Variants in TNRC6B observed in about 807,000 individuals in gnomAD.
TNRC6B encodes the protein trinucleotide repeat containing adaptor 6B.
A neutral mutation model predicts 203.6 loss-of-function variants in TNRC6B; 52 were observed. That is an observed-to-expected ratio of 0.26 (90% CI 0.20 to 0.32). The LOEUF is 0.32. Ranked by LOEUF, TNRC6B falls within the 10% of genes least tolerant of loss-of-function variation. The pLI is 1.00. For missense variants in TNRC6B, 1,923 were observed against 2,286.2 expected (o/e 0.84, Z 3.24); for synonymous variants, 838 against 845.7 (o/e 0.99, Z 0.16).
At chr22:40,278,556 CAAA>C (rs34010156) in intron 9 of TNRC6B, among the ~76,000 whole-genome samples, 1 of 78,720 alleles carries the variant, frequency 1.3e-5, no homozygotes, top group Non-Finnish European at 2.5e-5. Context: ...GACTCAGTCT[CAAA>C]AAAAAAAAAA....
intron 1 of TNRC6B, among the ~76,000 whole-genome samples, chr22:40,221,121 G>C (rs2069702216): frequency 6.6e-6 from 1 of 152,120 alleles, no homozygotes; most frequent in Admixed American, 6.5e-5. Flanking sequence ...ATTCCTTCTT[G>C]GGTCTGGGCA....
intron 2 of TNRC6B, among the ~76,000 whole-genome samples, chr22:40,122,479 T>G (rs751227945): frequency 3.9e-5 from 6 of 152,148 alleles, no homozygotes; most frequent in Non-Finnish European, 8.8e-5. Flanking sequence ...GTCCTGTGTT[T>G]ATGGGTGGAG....
chr22:40,148,403 C>T (rs924304967), intron 3 of TNRC6B, among the ~76,000 whole-genome samples: 1 of 151,530 alleles, frequency 6.6e-6, no homozygotes, highest in African/African-American at 2.4e-5. Flanking sequence ...CCTGCCTTAG[C>T]CTCCTGAGTA....
intron 20 of TNRC6B, 51 bp downstream of exon 20, chr22:40,315,558 A>C (rs998079222): frequency 1.9e-6 from 3 of 1,565,978 alleles, no homozygotes; most frequent in African/African-American, 1.4e-5. Flanking sequence ...CAAGGGGCTT[A>C]TGTTAACACA....
intron 2 of TNRC6B, among the ~76,000 whole-genome samples, chr22:40,119,585 A>G (rs924845983): frequency 6.6e-6 from 1 of 152,230 alleles, no homozygotes; most frequent in African/African-American, 2.4e-5. Context: ...CTCTGTCTCT[A>G]AATACATACA....
At chr22:40,149,991 C>G (rs764922953) in intron 3 of TNRC6B, among the ~76,000 whole-genome samples, 3 of 78,672 alleles carry the variant, frequency 3.8e-5, no homozygotes, top group Non-Finnish European at 6.8e-5. Context: ...AAATGAAAGC[C>G]AACAAAAAAT....
chr22:40,256,395 G>T (rs2070278712), intron 3 of TNRC6B, among the ~76,000 whole-genome samples: 1 of 152,138 alleles, frequency 6.6e-6, no homozygotes, highest in Non-Finnish European at 1.5e-5. Flanking sequence ...AAATTCATTT[G>T]CCATTCTCCA....
chr22:40,077,233 A>G (rs922567453), intron 1 of TNRC6B, among the ~76,000 whole-genome samples: 1 of 152,074 alleles, frequency 6.6e-6, no homozygotes, highest in Admixed American at 6.6e-5. Context: ...GGTAGTCTGC[A>G]TAGGTTATCT....
intron 1 of TNRC6B, among the ~76,000 whole-genome samples, chr22:40,068,611 C>G (rs578147548): frequency 6.6e-6 from 1 of 152,142 alleles, no homozygotes; most frequent in Admixed American, 6.5e-5. Context: ...AGCCACCGCG[C>G]CTGGCCTCTT....
rs558524410 is a variant in TNRC6B at position 40,140,676 on chromosome 22, T to C, written c.45+14814T>C. 2.6e-5 allele frequency among the ~76,000 whole-genome samples: 4 copies of C among 152,224 alleles called. No individual in the cohort carries two copies. The South Asian group carries it at 8.3e-4, about 32-fold the overall frequency. ...CTTTTTTTTTGAGATGGGGTGTTGC[T>C]CTGTTGCCCAGGCTGGAGTCATGAT... is the stretch of plus-strand genomic sequence containing the variant. On this transcript the variant is annotated intron_variant, in intron 3 of 23. Coordinates refer to the TNRC6B transcript ENST00000301923.
At chr22:40,248,474 T>C (rs1361484824) in intron 2 of TNRC6B, among the ~76,000 whole-genome samples, 1 of 152,242 alleles carries the variant, frequency 6.6e-6, no homozygotes, top group Non-Finnish European at 1.5e-5. Context: ...ATATTCCTCT[T>C]CATTTTTAAC....
chr22:40,084,359 G>A (rs1383081487), intron 1 of TNRC6B, among the ~76,000 whole-genome samples: 1 of 152,134 alleles, frequency 6.6e-6, no homozygotes, highest in African/African-American at 2.4e-5. Context: ...TGTGAGTGAG[G>A]CAGATTGAAG....
intron 1 of TNRC6B, among the ~76,000 whole-genome samples, chr22:40,192,340 G>A (rs966197246): frequency 6.6e-6 from 1 of 152,224 alleles, no homozygotes; most frequent in Admixed American, 6.5e-5. Context: ...AGACCAGGCT[G>A]GGTGTGGTGG....
rs765675735 is a variant in TNRC6B at position 40,270,249 on chromosome 22, G to T, written c.2934G>T (p.Thr978=). 2.0e-5 allele frequency: 29 copies of T among 1,480,716 alleles called. No individual in the cohort carries two copies. The highest frequency in any genetic ancestry group is 2.5e-5 in the Non-Finnish European group (28 of 1,109,426). The allele number at this position is 1,480,716 out of a possible 1,614,324, so 91.7% of individuals were successfully genotyped here. ...CATCGACCACAGGCTGGGGGAACAC[G>T]CCCGCCAACGCTCCCAATGCCATGA... The part of the protein sequence containing the change: ...TGASTTGWGN[T]PANAPNAMKP... Residue 978 remains threonine, a synonymous_variant, in exon 6 of 23, where the codon ACG becomes ACT. Coordinates refer to ENST00000454349, the MANE Select transcript of TNRC6B (RefSeq NM_001162501.2).
intron 1 of TNRC6B, among the ~76,000 whole-genome samples, chr22:40,240,780 T>C (rs1470106507): frequency 6.6e-6 from 1 of 152,182 alleles, no homozygotes; most frequent in Non-Finnish European, 1.5e-5. Context: ...ACCCACCTAG[T>C]CACCTGGCAT....
intron 3 of TNRC6B, among the ~76,000 whole-genome samples, chr22:40,126,084 T>A (rs2068490849): frequency 6.6e-6 from 1 of 152,220 alleles, no homozygotes; most frequent in Non-Finnish European, 1.5e-5. Context: ...TTATAATTTA[T>A]TTTTAGAACA....
intron 2 of TNRC6B, among the ~76,000 whole-genome samples, chr22:40,123,281 G>A (rs2068460947): frequency 6.6e-6 from 1 of 152,116 alleles, no homozygotes; most frequent in East Asian, 1.9e-4. Context: ...GGGAGGAGGA[G>A]TCGGTAACGG....
chr22:40,165,788 C>T (rs1035842346), intron 4 of TNRC6B, among the ~76,000 whole-genome samples: 1 of 152,130 alleles, frequency 6.6e-6, no homozygotes, highest in Non-Finnish European at 1.5e-5. Flanking sequence ...CATCACATCT[C>T]ATGAGAACTC....
rs770462567 is a variant in TNRC6B, at chr22:40,264,836, T to C, written c.606T>C (p.Cys202=). 1.9e-6 allele frequency: 3 copies of C among 1,613,918 alleles called. No homozygotes were observed. Among genetic ancestry groups the C allele is most frequent in the Admixed American group, 1.7e-5 (1 of 60,014 alleles). Residue 202 remains cysteine (C), a synonymous_variant, in exon 5 of 23, where the codon TGT becomes TGC. Coordinates refer to ENST00000454349, the MANE Select transcript of TNRC6B (RefSeq NM_001162501.2). ...GGTCTGACATGGAAGAGTGGCCTTGTATTGCCAGCAAAGACACTGAATCTT... is the reference window on the plus strand; with the variant it reads ...GGTCTGACATGGAAGAGTGGCCTTGCATTGCCAGCAAAGACACTGAATCTT... The part of the protein sequence containing the change: ...VDGSDMEEWP[C]IASKDTESSS...
Sources: allele counts gnomAD v4.1 joint callset (sites outside exome capture counted in the v4.1 genomes callset), GRCh38; gene constraint gnomAD v4.1.1; transcripts MANE v1.5; gene names NCBI Gene and HGNC (gene_info 2026-07-23, HGNC 2026-07-21).